COG5: variants seen among roughly 807,000 people sequenced by gnomAD.
The protein encoded by COG5 is component of oligomeric golgi complex 5, also known as conserved oligomeric Golgi complex subunit 5.
COG5 carries 86 observed loss-of-function variants against 110.4 expected under a neutral mutation model. That is an observed-to-expected ratio of 0.78 (90% CI 0.65 to 0.93). The LOEUF (loss-of-function observed/expected upper bound fraction) is 0.93. COG5 is among the 40% of genes least tolerant of loss of function. The pLI is 0.00. For synonymous variants in COG5, 360 were observed against 334.6 expected (o/e 1.08, Z -0.83); for missense variants, 1,077 against 987.0 (o/e 1.09, Z -1.22).
intron 6 of COG5, among the ~76,000 whole-genome samples, chr7:107,430,936 G>A (rs1039510688): frequency 6.6e-6 from 1 of 152,038 alleles, no homozygotes; most frequent in African/African-American, 2.4e-5. Context: ...GGAAGCAGGA[G>A]GAGAAAAGGT....
At chr7:107,229,540 CCTT>C (rs1408654137) in intron 19 of COG5, among the ~76,000 whole-genome samples, 2 of 152,160 alleles carry the variant, frequency 1.3e-5, no homozygotes, top group Non-Finnish European at 2.9e-5. Flanking sequence ...AATAACATCT[CCTT>C]ATCTTCTAAA....
At chr7:107,448,256 T>A (rs1795130247) in intron 6 of COG5, among the ~76,000 whole-genome samples, 1 of 152,194 alleles carries the variant, frequency 6.6e-6, no homozygotes, top group African/African-American at 2.4e-5. Context: ...AAGAGGCATA[T>A]GAAAAATGAG....
intron 6 of COG5, among the ~76,000 whole-genome samples, chr7:107,494,843 T>C (rs563277447): frequency 2.2e-4 from 33 of 152,242 alleles, no homozygotes; most frequent in Middle Eastern, 3.4e-3. Context: ...GTCCCATAGA[T>C]ACAGACTTAC....
At chr7:107,464,424 C>T (rs576782889) in intron 6 of COG5, among the ~76,000 whole-genome samples, 41 of 152,216 alleles carry the variant, frequency 2.7e-4, no homozygotes, top group African/African-American at 9.4e-4. Context: ...CATTCATTTC[C>T]ACCCCTCACT....
intron 6 of COG5, among the ~76,000 whole-genome samples, chr7:107,457,053 T>A (rs1488011033): frequency 6.6e-6 from 1 of 152,112 alleles, no homozygotes; most frequent in Admixed American, 6.5e-5. Flanking sequence ...TCCAACAACA[T>A]GACCAGCACC....
chr7:107,511,250 C>G (rs993639260), intron 6 of COG5, among the ~76,000 whole-genome samples: 43 of 152,154 alleles, frequency 2.8e-4, no homozygotes, highest in Middle Eastern at 3.4e-3. Context: ...ACTACCATCA[C>G]AGAATACTAC....
At chr7:107,554,431 T>C (rs1803149564) in intron 2 of COG5, 89 bp from the exon 3 acceptor site, 11 of 1,163,186 alleles carry the variant, frequency 9.5e-6, no homozygotes, top group Non-Finnish European at 1.4e-5. Flanking sequence ...TCTCTTGGTG[T>C]AGAAACGAGG....
At position 107,387,074 on chromosome 7, in the gene COG5, A is replaced by T. The variant is rs116200116; in HGVS notation, c.670-14314T>A. The stretch of plus-strand genomic sequence containing the variant: ...CTTAAGCAAGTGGCATTAGAAGGGG[A>T]GTTCTTAGCTTGCCCAGTAATGCAA... On this transcript the variant is annotated intron_variant, in intron 7 of 21. Coordinates refer to ENST00000297135, the MANE Select transcript of COG5 (RefSeq NM_006348.5). Among the ~76,000 whole-genome samples the T allele has an allele frequency of 4.2e-3, 645 of 152,326 alleles. 6 individuals carry two copies. The highest frequency in any genetic ancestry group is 0.015 in the African/African-American group (630 of 41,574).
chr7:107,448,302 G>A (rs973677374), intron 6 of COG5, among the ~76,000 whole-genome samples: 2 of 152,126 alleles, frequency 1.3e-5, no homozygotes, highest in African/African-American at 4.8e-5. Flanking sequence ...CAATACTTGT[G>A]TGATTACCAT....
At chr7:107,331,840 CTTT>C (rs750263117) in intron 10 of COG5, among the ~76,000 whole-genome samples, 46 of 131,790 alleles carry the variant, frequency 3.5e-4, no homozygotes, top group African/African-American at 5.1e-4. Context: ...CTGCTTGCCT[CTTT>C]TTTTTTTTTT....
intron 2 of COG5, among the ~76,000 whole-genome samples, chr7:107,554,975 T>C (rs1375969013): frequency 1.3e-5 from 2 of 152,234 alleles, no homozygotes; most frequent in Non-Finnish European, 2.9e-5. Context: ...CAGCTCATTA[T>C]TGCCACACCA....
At chr7:107,261,316 C>T (rs1042924950) in intron 14 of COG5, among the ~76,000 whole-genome samples, 3 of 134,814 alleles carry the variant, frequency 2.2e-5, no homozygotes, top group African/African-American at 9.1e-5. Context: ...CATTTGTATT[C>T]TCTCTCTCTC....
At chr7:107,425,676 C>T (rs1793596988) in intron 6 of COG5, among the ~76,000 whole-genome samples, 1 of 152,140 alleles carries the variant, frequency 6.6e-6, no homozygotes, top group Non-Finnish European at 1.5e-5. Context: ...CTCTAATCTA[C>T]ACATTACAGA....
At chr7:107,507,300 T>C (rs1028454442) in intron 6 of COG5, among the ~76,000 whole-genome samples, 2 of 147,536 alleles carry the variant, frequency 1.4e-5, no homozygotes, top group Admixed American at 6.7e-5. Context: ...TTCTTTTCTT[T>C]TTTTTTTTTT....
intron 10 of COG5, among the ~76,000 whole-genome samples, chr7:107,342,368 C>CA (rs796981383): frequency 0.21 from 20,843 of 97,640 alleles, 2,086 homozygotes; most frequent in Non-Finnish European, 0.29. Context: ...ACAAACAAAC[C>CA]AAAAAAAAAA....
At chr7:107,400,897 C>T (rs1023917647) in intron 7 of COG5, among the ~76,000 whole-genome samples, 5 of 151,812 alleles carry the variant, frequency 3.3e-5, no homozygotes, top group African/African-American at 1.2e-4. Flanking sequence ...TACAGAAATG[C>T]CGTATGGTAA....
At chr7:107,419,947 A>G (rs1444627294) in intron 6 of COG5, among the ~76,000 whole-genome samples, 2 of 152,232 alleles carry the variant, frequency 1.3e-5, no homozygotes, top group South Asian at 2.1e-4. Flanking sequence ...CCATAAGTCT[A>G]TATTTGAAAA....
chr7:107,397,475 A>G (rs1472551143), intron 7 of COG5, among the ~76,000 whole-genome samples: 1 of 152,028 alleles, frequency 6.6e-6, no homozygotes, highest in Non-Finnish European at 1.5e-5. Flanking sequence ...ATACAGCCTC[A>G]TCCAGCACCA....
At chr7:107,540,003 C>T (rs540709238) in intron 5 of COG5, among the ~76,000 whole-genome samples, 1 of 152,270 alleles carries the variant, frequency 6.6e-6, no homozygotes, top group East Asian at 1.9e-4. Flanking sequence ...CAGAGCATGA[C>T]AGTCTCTCTG....
Sources: gnomAD v4.1 joint callset for allele counts (sites outside exome capture counted in the v4.1 genomes callset) on GRCh38, gnomAD v4.1.1 for gene constraint, MANE v1.5 for transcripts, NCBI Gene and HGNC (gene_info 2026-07-23, HGNC 2026-07-21) for gene names.